Variants in CCSER1 observed in about 807,000 individuals in gnomAD.
CCSER1 encodes the protein serine-rich coiled-coil domain-containing protein 1.
Under a neutral mutation model 82.0 loss-of-function variants are expected in CCSER1, and 41 were observed. The observed-to-expected ratio is 0.50, with a 90% CI of 0.39 to 0.65. The LOEUF (loss-of-function observed/expected upper bound fraction) is 0.65, where lower values mean the gene tolerates loss of function less well. CCSER1 is among the 30% of genes least tolerant of loss of function. The pLI, the probability that CCSER1 is intolerant of heterozygous loss-of-function variation, is 0.00. For missense variants in CCSER1, 1,119 were observed against 1,064.2 expected, an observed-to-expected ratio of 1.05 and a Z score of -0.72; for synonymous variants, 414 against 383.9, an observed-to-expected ratio of 1.08 and a Z score of -0.92.
chr4:90,977,492 A>G (rs185786675), intron 9 of CCSER1, among the ~76,000 whole-genome samples: 4 of 151,722 alleles, frequency 2.6e-5, no homozygotes, highest in Admixed American at 2.0e-4. Context: ...ATAATTTCAA[A>G]TTGCATATAC....
At chr4:90,445,383 A>T (rs1264503360) in intron 4 of CCSER1, among the ~76,000 whole-genome samples, 1 of 152,066 alleles carries the variant, frequency 6.6e-6, no homozygotes, top group Non-Finnish European at 1.5e-5. Context: ...ACAAATACTT[A>T]AGTGGAGGTT....
At chr4:91,470,868 A>G (rs931201419) in intron 10 of CCSER1, among the ~76,000 whole-genome samples, 1 of 152,180 alleles carries the variant, frequency 6.6e-6, no homozygotes, top group African/African-American at 2.4e-5. Flanking sequence ...TGCACAGACA[A>G]ATGAATAATA....
In CCSER1 at chr4:91,090,175, G is replaced by A. The variant is rs553950277; in HGVS notation, c.2217+4181G>A. On this transcript the variant is annotated intron_variant, in intron 10 of 10. Transcript: ENST00000509176. ...CATCTTTCCAGTTACCTATGGCTAT[G>A]CTTCATTTTTCGCGGGAAGCATAGA... is the stretch of plus-strand genomic sequence containing the variant. Among the ~76,000 whole-genome samples, 4 of 152,262 alleles carry A rather than the reference G, an allele frequency of 2.6e-5. No individual in the cohort carries two copies. In the South Asian group the frequency reaches 6.2e-4, roughly 24 times the overall value.
intron 5 of CCSER1, among the ~76,000 whole-genome samples, chr4:90,530,616 T>C (rs574640182): frequency 6.6e-6 from 1 of 152,166 alleles, no homozygotes; most frequent in African/African-American, 2.4e-5. Flanking sequence ...GTGCCACCCA[T>C]TTTTACATCA....
At chr4:90,385,354 A>G (rs62312912) in intron 3 of CCSER1, among the ~76,000 whole-genome samples, 55,260 of 150,890 alleles carry the variant, frequency 0.37, 10,607 homozygotes, top group African/African-American at 0.47. Flanking sequence ...CCAATAGTAT[A>G]TAAGTGTTCC....
At position 91,194,399 on chromosome 4, in the gene CCSER1, T is replaced by C. The variant is rs113404008; in HGVS notation, c.2217+108405T>C. Among the ~76,000 whole-genome samples the C allele has an allele frequency of 8.8e-3, 1,337 of 152,262 alleles. 11 individuals are homozygous for C. Among genetic ancestry groups the C allele is most frequent in the Middle Eastern group, 0.027 (8 of 294 alleles). On this transcript the variant is annotated intron_variant, in intron 10 of 10. Coordinates refer to ENST00000509176, the MANE Select transcript of CCSER1 (RefSeq NM_001145065.2). ...GGATAAGCCAAAATATAATTCTAGT[T>C]CAAAGGAGAATTTAGTAGATGCCAA... is the stretch of plus-strand genomic sequence containing the variant.
At chr4:90,138,247 A>G (rs915158287) in intron 1 of CCSER1, among the ~76,000 whole-genome samples, 1 of 152,136 alleles carries the variant, frequency 6.6e-6, no homozygotes, top group African/African-American at 2.4e-5. Context: ...GCCAGAGTGC[A>G]GTGGCACAGT....
intron 1 of CCSER1, among the ~76,000 whole-genome samples, chr4:90,239,123 C>G (rs1328113741): frequency 6.6e-6 from 1 of 152,120 alleles, no homozygotes; most frequent in African/African-American, 2.4e-5. Flanking sequence ...AGTGTTGGGA[C>G]AGGTGTGAGC....
At chr4:90,780,917 T>A (rs1167020227) in intron 7 of CCSER1, 2 of 494,678 alleles carry the variant, frequency 4.0e-6, no homozygotes, top group African/African-American at 2.1e-5. Context: ...GGCCCACAGT[T>A]CTGCAGACTG....
chr4:90,398,636 T>C (rs1226000034), intron 3 of CCSER1, among the ~76,000 whole-genome samples: 1 of 152,212 alleles, frequency 6.6e-6, no homozygotes, highest in East Asian at 1.9e-4. Flanking sequence ...GCCTATATTT[T>C]CTCATTTTTA....
At chr4:90,764,294 T>C (rs1276493427) in intron 7 of CCSER1, among the ~76,000 whole-genome samples, 1 of 152,176 alleles carries the variant, frequency 6.6e-6, no homozygotes, top group Non-Finnish European at 1.5e-5. Context: ...TGTGTTTTAT[T>C]TGTTTGTTTT....
chr4:90,160,256 ACAGT>A (rs1414317843), intron 1 of CCSER1, among the ~76,000 whole-genome samples: 3 of 152,202 alleles, frequency 2.0e-5, no homozygotes, highest in African/African-American at 4.8e-5. Flanking sequence ...TGTGACACTG[ACAGT>A]CTGTCTGGAG....
At chr4:91,396,669 T>G (rs1751998866) in intron 10 of CCSER1, among the ~76,000 whole-genome samples, 1 of 152,008 alleles carries the variant, frequency 6.6e-6, no homozygotes, top group African/African-American at 2.4e-5. Context: ...ACACAAAAAT[T>G]TTAAGTGATC....
intron 5 of CCSER1, among the ~76,000 whole-genome samples, chr4:90,557,541 T>C (rs1394191016): frequency 6.6e-6 from 1 of 152,100 alleles, no homozygotes; most frequent in Non-Finnish European, 1.5e-5. Flanking sequence ...TCAATCTTTT[T>C]AAATAAATAT....
intron 7 of CCSER1, among the ~76,000 whole-genome samples, chr4:90,773,521 G>A (rs1209541813): frequency 6.6e-6 from 1 of 152,070 alleles, no homozygotes; most frequent in Non-Finnish European, 1.5e-5. Flanking sequence ...TGATTATTTT[G>A]TTTAATAAGA....
rs187019826 is a variant in CCSER1 at position 90,942,233 on chromosome 4, G to A, written c.2172+18786G>A. On this transcript the variant is annotated intron_variant, in intron 9 of 10. Transcript: ENST00000509176. ...CTCCCAAAGTGCTGGGATTACAGGT[G>A]TGAGCCACTACGCCCAGCTGGGAAA... 2.8e-4 allele frequency among the ~76,000 whole-genome samples: 43 copies of A among 152,224 alleles called. No individual in the cohort carries two copies. In the East Asian group the frequency reaches 7.2e-3, roughly 25 times the overall value.
rs138731705 is a variant in CCSER1 at position 90,983,143 on chromosome 4, G to A, written c.2172+59696G>A. 6.5e-3 allele frequency among the ~76,000 whole-genome samples: 989 copies of A among 151,720 alleles called. 14 individuals are homozygous for A. The highest frequency in any genetic ancestry group is 0.023 in the African/African-American group (953 of 41,430). On this transcript the variant is annotated intron_variant, in intron 9 of 10. Coordinates refer to ENST00000509176, the MANE Select transcript of CCSER1 (RefSeq NM_001145065.2). ...ACTATCACAACCTTTTAACAGTTTGGAGTATATTAAAATAAAAGCAATTCC... is the reference window on the plus strand; with the variant it reads ...ACTATCACAACCTTTTAACAGTTTGAAGTATATTAAAATAAAAGCAATTCC...
At position 91,038,176 on chromosome 4, in the gene CCSER1, A is replaced by C. The variant is rs142306264; in HGVS notation, c.2173-47774A>C. Reference sequence around the variant, plus strand: ...AGAGGAATTAATTGCTTCTGTGTACATGAGCAGTAAGTACTGACTGTCCTT... The same window carrying C: ...AGAGGAATTAATTGCTTCTGTGTACCTGAGCAGTAAGTACTGACTGTCCTT... On this transcript the variant is annotated intron_variant, in intron 9 of 10. Transcript: ENST00000509176. Among the ~76,000 whole-genome samples, 52 of 152,312 alleles carry C rather than the reference A, an allele frequency of 3.4e-4. 1 individual carries two copies. The East Asian group carries it at 8.9e-3, about 26-fold the overall frequency.
At chr4:90,465,495 T>C (rs1237959346) in intron 4 of CCSER1, among the ~76,000 whole-genome samples, 1 of 152,114 alleles carries the variant, frequency 6.6e-6, no homozygotes, top group East Asian at 1.9e-4. Flanking sequence ...TAATTTTTTG[T>C]ATTTTTAGTA....
Sources: allele counts gnomAD v4.1 joint callset (sites outside exome capture counted in the v4.1 genomes callset), GRCh38; gene constraint gnomAD v4.1.1; transcripts MANE v1.5; gene names NCBI Gene and HGNC (gene_info 2026-07-23, HGNC 2026-07-21).